PAQR7: variants seen among roughly 807,000 people sequenced by gnomAD.
PAQR7 encodes the protein membrane progestin receptor alpha.
Under a neutral mutation model 24.6 loss-of-function variants are expected in PAQR7, and 14 were observed. That is an observed-to-expected ratio of 0.57 (90% CI 0.38 to 0.89). The LOEUF (loss-of-function observed/expected upper bound fraction) is 0.89. PAQR7 is among the 40% of genes least tolerant of loss of function. The pLI is 0.00. For missense variants in PAQR7, 351 were observed against 444.0 expected (o/e 0.79, Z 1.88); for synonymous variants, 189 against 198.8 (o/e 0.95, Z 0.42).
chr1:25,871,998 C>T (rs1331655434), intron 1 of PAQR7, among the ~76,000 whole-genome samples: 1 of 152,226 alleles, frequency 6.6e-6, no homozygotes, highest in African/African-American at 2.4e-5. Flanking sequence ...CTAATCTCTG[C>T]AGGCTCTCCG....
intron 2 of PAQR7, among the ~76,000 whole-genome samples, chr1:25,867,489 C>A (rs1211182202): frequency 6.6e-6 from 1 of 152,176 alleles, no homozygotes; most frequent in Non-Finnish European, 1.5e-5. Flanking sequence ...GAAAAACCTG[C>A]CAGACAATCC....
chr1:25,865,984 C>T (rs1473048326), intron 2 of PAQR7, among the ~76,000 whole-genome samples: 1 of 140,184 alleles, frequency 7.1e-6, no homozygotes, highest in Non-Finnish European at 1.5e-5. Flanking sequence ...GAAACTCCGT[C>T]TCAAAAAAAA....
Position 25,862,633 on chromosome 1 carries a change from C to T in PAQR7, c.*166G>A, listed in dbSNP as rs2048520478. ...GACCCCAGCAACTCCTAGCCAATCC[C>T]TAAATCCAAGAATTGGCCAGTGATG... On this transcript the variant is annotated 3_prime_UTR_variant, in exon 3 of 3. Coordinates refer to ENST00000675840, the MANE Select transcript of PAQR7 (RefSeq NM_178422.6). 1.3e-6 allele frequency: 1 copy of T among 793,342 alleles called. No homozygotes were observed. The highest frequency in any genetic ancestry group is 2.9e-5 in the Admixed American group (1 of 34,150). 49.1% of individuals were successfully genotyped at this position (793,342 alleles called of 1,614,324 possible).
chr1:25,865,781 T>C (rs2048552141), intron 2 of PAQR7, among the ~76,000 whole-genome samples: 1 of 152,030 alleles, frequency 6.6e-6, no homozygotes, highest in Non-Finnish European at 1.5e-5. Context: ...CACTCCAGCC[T>C]GGGCGACAGA....
intron 2 of PAQR7, among the ~76,000 whole-genome samples, chr1:25,865,695 C>T (rs1318306628): frequency 2.6e-5 from 4 of 152,184 alleles, no homozygotes; most frequent in Non-Finnish European, 2.9e-5. Flanking sequence ...GCAGTCCCAG[C>T]TACTCGGGAG....
Position 25,861,554 on chromosome 1 carries a change from C to G in PAQR7, c.*1245G>C, listed in dbSNP as rs1305828886. On this transcript the variant is annotated 3_prime_UTR_variant, in exon 3 of 3. Transcript: ENST00000675840. ...CCACCCAGCCCCAACCCCACTTTTCCTTCCACACCTCTTGGTCTCTGCACA... is the reference window on the plus strand; with the variant it reads ...CCACCCAGCCCCAACCCCACTTTTCGTTCCACACCTCTTGGTCTCTGCACA... 6.6e-6 allele frequency: 1 copy of G among 152,422 alleles called. No homozygotes were observed. Among genetic ancestry groups the G allele is most frequent in the Non-Finnish European group, 1.5e-5 (1 of 68,238 alleles). The allele number at this position is 152,422 out of a possible 1,614,324, so 9.4% of individuals were successfully genotyped here. A position where few individuals can be genotyped will look rare whatever the true frequency, so the allele number is the denominator to read the frequency against.
Position 25,863,195 on chromosome 1 carries a change from T to C in PAQR7, c.645A>G (p.Ala215=), listed in dbSNP as rs753828831. ...CQEVPSVLAY[A]LDISPVVHRI... Reference sequence around the variant, plus strand: ...GATGCACCACAGGACTAATGTCCAGTGCGTAGGCCAGGACGGAGGGCACCT... The same window carrying C: ...GATGCACCACAGGACTAATGTCCAGCGCGTAGGCCAGGACGGAGGGCACCT... The change falls in exon 3 of 3, where the codon GCA becomes GCG. Residue 215 remains alanine (A), a synonymous_variant. Coordinates refer to ENST00000675840, the MANE Select transcript of PAQR7 (RefSeq NM_178422.6). This position sits in a 1 kb window ranked among gnomAD's most constrained non-coding sequence, Gnocchi z 6.1. The C allele has an allele frequency of 1.2e-6, 2 of 1,614,176 alleles. No individual in the cohort carries two copies. Among genetic ancestry groups the C allele is most frequent in the Non-Finnish European group, 1.7e-6 (2 of 1,180,030 alleles).
intron 1 of PAQR7, 166 bp from the exon 2 acceptor site, chr1:25,870,860 G>T (rs1362304844): frequency 6.6e-6 from 1 of 152,206 alleles, no homozygotes; most frequent in African/African-American, 2.4e-5. Context: ...TACCTTCTCT[G>T]ATCCTTAGCT....
At chr1:25,870,969 T>C (rs1572281489) in intron 1 of PAQR7, 1 of 152,138 alleles carries the variant, frequency 6.6e-6, no homozygotes, top group African/African-American at 2.4e-5. Context: ...TCAACAAATA[T>C]TGCAATTGTT....
At chr1:25,872,279 C>G (rs1316363280) in intron 1 of PAQR7, among the ~76,000 whole-genome samples, 3 of 152,126 alleles carry the variant, frequency 2.0e-5, no homozygotes, top group Admixed American at 6.6e-5. Context: ...CCCTGTGTGA[C>G]CTTGGACAAG....
At chr1:25,867,539 T>A (rs532684893) in intron 2 of PAQR7, among the ~76,000 whole-genome samples, 1 of 152,218 alleles carries the variant, frequency 6.6e-6, no homozygotes, top group African/African-American at 2.4e-5. Flanking sequence ...AGCTTACTTA[T>A]TGGACTCAGT....
chr1:25,873,995 T>C (rs1266529781), intron 1 of PAQR7, among the ~76,000 whole-genome samples: 1 of 152,162 alleles, frequency 6.6e-6, no homozygotes, highest in Non-Finnish European at 1.5e-5. Flanking sequence ...GCGATTCTCC[T>C]GCCTCAGTCT....
At chr1:25,872,247 C>T (rs1484611452) in intron 1 of PAQR7, among the ~76,000 whole-genome samples, 1 of 152,204 alleles carries the variant, frequency 6.6e-6, no homozygotes, top group Non-Finnish European at 1.5e-5. Flanking sequence ...GTGGGATTCT[C>T]GTCCTGACTC....
At chr1:25,868,709 C>CA (rs35304131) in intron 2 of PAQR7, among the ~76,000 whole-genome samples, 40,659 of 89,438 alleles carry the variant, frequency 0.45, 9,834 homozygotes, top group South Asian at 0.7. Context: ...GACCCTTTCT[C>CA]AAAAAAAAAA....
chr1:25,873,278 C>T (rs1346839313), intron 1 of PAQR7, among the ~76,000 whole-genome samples: 3 of 152,226 alleles, frequency 2.0e-5, no homozygotes, highest in South Asian at 2.1e-4. Flanking sequence ...GGGCAGAGCA[C>T]ATCTATCTGA....
chr1:25,869,468 A>G (rs1415097556), intron 2 of PAQR7, among the ~76,000 whole-genome samples: 2 of 151,508 alleles, frequency 1.3e-5, no homozygotes, highest in Admixed American at 1.3e-4. Context: ...GCTACTCAGG[A>G]GGCTGAGGCA....
At chr1:25,866,010 AAG>A (rs1201603459) in intron 2 of PAQR7, among the ~76,000 whole-genome samples, 2 of 151,844 alleles carry the variant, frequency 1.3e-5, no homozygotes, top group East Asian at 3.9e-4. Context: ...AAGAAAAAGA[AAG>A]AACAACATGA....
intron 1 of PAQR7, among the ~76,000 whole-genome samples, chr1:25,872,400 G>A (rs2048613076): frequency 1.3e-5 from 2 of 152,080 alleles, no homozygotes; most frequent in Admixed American, 6.6e-5. Context: ...TTTACTTTAG[G>A]CCTCCTATGT....
chr1:25,866,267 C>A (rs1037124718), intron 2 of PAQR7, among the ~76,000 whole-genome samples: 3 of 152,110 alleles, frequency 2.0e-5, no homozygotes, highest in African/African-American at 7.2e-5. Context: ...CAATGTCACA[C>A]CCTGTGCCAC....
Sources: gnomAD v4.1 joint callset for allele counts (sites outside exome capture counted in the v4.1 genomes callset) on GRCh38, gnomAD v4.1.1 for gene constraint, Gnocchi (gnomAD v3.1) non-coding constraint, MANE v1.5 for transcripts, NCBI Gene and HGNC (gene_info 2026-07-23, HGNC 2026-07-21) for gene names.